FLNC: variants seen among roughly 807,000 people sequenced by gnomAD.
FLNC encodes the protein filamin-C.
FLNC carries 91 observed loss-of-function variants against 254.3 expected under a neutral mutation model. The observed-to-expected ratio is 0.36, with a 90% CI of 0.30 to 0.43. FLNC has a LOEUF of 0.43. FLNC is among the 20% of genes least tolerant of loss of function. FLNC has a pLI of 1.00. For missense variants in FLNC, 2,853 were observed against 3,802.6 expected (o/e 0.75, Z 6.57); for synonymous variants, 1,430 against 1,577.2 (o/e 0.91, Z 2.21).
chr7:128,855,472 G>A (rs1482318829), intron 43 of FLNC, among the ~76,000 whole-genome samples, 158 bp downstream of exon 43: 1 of 152,204 alleles, frequency 6.6e-6, no homozygotes, highest in Non-Finnish European at 1.5e-5. Flanking sequence ...CTTGGGGACG[G>A]TGGGCTCCCA....
chr7:128,848,149 G>A, intron 26 of FLNC, 81 bp downstream of exon 26: 1 of 1,504,322 alleles, frequency 6.6e-7, no homozygotes, highest in Non-Finnish European at 9.0e-7. Context: ...ATCACTGCTG[G>A]AGTCCCCTGG....
chr7:128,842,623 C>T lies in FLNC; in HGVS notation c.2314C>T (p.Pro772Ser). The T allele has an allele frequency of 6.4e-7, 1 of 1,550,460 alleles. No individual in the cohort carries two copies. The highest frequency in any genetic ancestry group is 8.7e-7 in the Non-Finnish European group (1 of 1,147,138). Reference sequence around the variant, plus strand: ...CCCCGAGCGGGTAAAGGTGTACGGCCCCGGAGTGGAGAAGACAGGCCTCAA... The same window carrying T: ...CCCCGAGCGGGTAAAGGTGTACGGCTCCGGAGTGGAGAAGACAGGCCTCAA... ...SHPERVKVYGPGVEKTGLKAN... is the reference protein window; with the variant it reads ...SHPERVKVYGSGVEKTGLKAN... Residue 772 changes from proline to serine, a missense_variant, in exon 15 of 48, where the codon CCC becomes TCC. Pro to Ser is a moderately conservative substitution (Grantham distance 74). Transcript: ENST00000325888. The surrounding 1 kb of genome is among the most constrained non-coding windows in gnomAD (Gnocchi z 5.4).
At chr7:128,851,805 A>C (rs1004972469) in intron 35 of FLNC, among the ~76,000 whole-genome samples, 177 bp downstream of exon 35, 1 of 152,246 alleles carries the variant, frequency 6.6e-6, no homozygotes, top group Non-Finnish European at 1.5e-5. Context: ...GGCAGCTAAG[A>C]AGCAGTCAGC....
At position 128,837,655 on chromosome 7, in the gene FLNC, A is replaced by G; in HGVS notation, c.869A>G (p.Asn290Ser). Reference protein sequence around the residue: ...AYGPGIEPQGNTVLQPAHFTV... With the variant: ...AYGPGIEPQGSTVLQPAHFTV... Reference sequence around the variant, plus strand: ...CCCGTAGGCATCGAGCCACAGGGCAACACCGTGCTGCAGCCTGCCCACTTC... The same window carrying G: ...CCCGTAGGCATCGAGCCACAGGGCAGCACCGTGCTGCAGCCTGCCCACTTC... The change falls in exon 5 of 48, where the codon AAC (asparagine) becomes AGC (serine). Residue 290 changes from asparagine to serine, a missense_variant. Transcript: ENST00000325888. 1 of 1,612,650 alleles carries G rather than the reference A, an allele frequency of 6.2e-7. No homozygotes were observed.
In FLNC at chr7:128,847,972, A is replaced by G. The variant is rs1005564405; in HGVS notation, c.4484A>G (p.Asp1495Gly). The G allele has an allele frequency of 1.2e-6, 2 of 1,613,070 alleles. No homozygotes were observed. The highest frequency in any genetic ancestry group is 1.7e-6 in the Non-Finnish European group (2 of 1,179,524). ...GTGGCCGAGCCTGTGGAGGTGCGGGACAATGGAGATGGCACCCACACTGTC... is the reference window on the plus strand; with the variant it reads ...GTGGCCGAGCCTGTGGAGGTGCGGGGCAATGGAGATGGCACCCACACTGTC... ...TGVAEPVEVR[D>G]NGDGTHTVHY... Residue 1495 changes from aspartate (D) to glycine (G), a missense_variant, in exon 26 of 48, where the codon GAC becomes GGC. Physicochemically the swap from Asp to Gly is moderately conservative, Grantham distance 94. Coordinates refer to ENST00000325888, the MANE Select transcript of FLNC (RefSeq NM_001458.5).
rs904345499 is a variant in FLNC, at chr7:128,856,614, G to A, written c.7348G>A (p.Ala2450Thr). Residue 2450 changes from alanine to threonine, a missense_variant, in exon 44 of 48, where the codon GCT becomes ACT. By Grantham distance (58) the Ala-to-Thr change is moderately conservative (BLOSUM62 0). Transcript: ENST00000325888. The surrounding 1 kb of genome is among the most constrained non-coding windows in gnomAD (Gnocchi z 5.9). Reference protein sequence around the residue: ...IDARVHTPSGAVEECYVSELD... With the variant: ...IDARVHTPSGTVEECYVSELD... ...TGCCCGGGTGCACACACCCTCGGGGGCTGTGGAGGAGTGCTACGTCTCTGA... is the reference window on the plus strand; with the variant it reads ...TGCCCGGGTGCACACACCCTCGGGGACTGTGGAGGAGTGCTACGTCTCTGA... The A allele has an allele frequency of 6.2e-7, 1 of 1,612,844 alleles. No homozygotes were observed. Among genetic ancestry groups the A allele is most frequent in the Non-Finnish European group, 8.5e-7 (1 of 1,180,024 alleles).
Position 128,853,843 on chromosome 7 carries a change from A to T in FLNC, c.6484+6A>T, listed in dbSNP as rs764061858. 1.2e-5 allele frequency: 20 copies of T among 1,613,240 alleles called. No homozygotes were observed. Among genetic ancestry groups the T allele is most frequent in the Non-Finnish European group, 1.7e-5 (20 of 1,180,000 alleles). ...CCTCAACCTCAAGATCCCAGGTAGA[A>T]GCCTGGAGGACCCTGGGTGGGGCGG... is the stretch of plus-strand genomic sequence containing the variant. On this transcript the variant is annotated splice_donor_region_variant and intron_variant, in intron 39 of 47. Coordinates refer to ENST00000325888, the MANE Select transcript of FLNC (RefSeq NM_001458.5).
intron 40 of FLNC, 60 bp from the exon 41 acceptor site, chr7:128,854,353 G>A (rs1808961446): frequency 6.3e-7 from 1 of 1,596,284 alleles, no homozygotes; most frequent in Non-Finnish European, 8.5e-7. Flanking sequence ...TGATGGGGGA[G>A]GGAAGGGCCA....
chr7:128,856,786 C>T lies in FLNC; in HGVS notation c.7426C>T (p.His2476Tyr). 6.2e-7 allele frequency: 1 copy of T among 1,614,192 alleles called. No individual in the cohort carries two copies. Among genetic ancestry groups the T allele is most frequent in the Non-Finnish European group, 8.5e-7 (1 of 1,180,030 alleles). ...IRFIPHENGV[H>Y]SIDVKFNGAH... Reference sequence around the variant, plus strand: ...CTTCATCCCCCACGAGAATGGCGTCCACTCCATCGATGTCAAGTTCAACGG... The same window carrying T: ...CTTCATCCCCCACGAGAATGGCGTCTACTCCATCGATGTCAAGTTCAACGG... Residue 2476 changes from histidine to tyrosine, a missense_variant, in exon 45 of 48, where the codon CAC becomes TAC. Around this residue, in one of 10 missense-constraint regions of FLNC, gnomAD observed 197 missense variants for 351.5 expected, o/e 0.56. Transcript: ENST00000325888. The surrounding 1 kb of genome is among the most constrained non-coding windows in gnomAD (Gnocchi z 5.9).
In FLNC at chr7:128,844,793, C is replaced by T; in HGVS notation, c.3328C>T (p.Gln1110Ter). The T allele has an allele frequency of 6.2e-7, 1 of 1,614,146 alleles. No homozygotes were observed. The highest frequency in any genetic ancestry group is 1.7e-5 in the Admixed American group (1 of 60,030). The change falls in exon 21 of 48, where the codon CAG (glutamine) becomes TAG (stop). Residue 1110 changes from glutamine (Q) to a stop codon, truncating the protein, a stop_gained. Coordinates refer to ENST00000325888, the MANE Select transcript of FLNC (RefSeq NM_001458.5). LOFTEE classifies it high-confidence loss of function. ...CCCCTGCGAGGCCAAGATCGAGTGC[C>T]AGGACAATGGTGATGGCTCATGTGC... ...EGPCEAKIEC[Q>*]DNGDGSCAVS...
In FLNC at chr7:128,845,139, C is replaced by T. The variant is rs1389300157; in HGVS notation, c.3674C>T (p.Thr1225Ile). The change falls in exon 21 of 48, where the codon ACC (threonine) becomes ATC (isoleucine). Residue 1225 changes from threonine (T) to isoleucine (I), a missense_variant. This residue lies in a region of FLNC where 1,573 missense variants were observed against 1,883.5 expected (regional missense o/e 0.84). Transcript: ENST00000325888. ...AGCCCTGCCTTCCCTGGCACCTACACCATTACCATCAAGTATGGCGGGCAT... is the reference window on the plus strand; with the variant it reads ...AGCCCTGCCTTCCCTGGCACCTACATCATTACCATCAAGTATGGCGGGCAT... ...TYSPAFPGTY[T>I]ITIKYGGHPV... is the part of the protein sequence containing the mutation. 6.2e-7 allele frequency: 1 copy of T among 1,613,912 alleles called. No individual in the cohort carries two copies. Among genetic ancestry groups the T allele is most frequent in the Admixed American group, 1.7e-5 (1 of 60,008 alleles).
At chr7:128,849,116 A>ACC in intron 28 of FLNC, 65 bp from the exon 29 acceptor site, 1 of 1,489,064 alleles carries the variant, frequency 6.7e-7, no homozygotes, top group Non-Finnish European at 9.3e-7. Context: ...TCCCTCCCTC[A>ACC]CCCCCGCCCA....
In FLNC at chr7:128,841,293, A is replaced by T; in HGVS notation, c.1937A>T (p.Asp646Val). The change falls in exon 12 of 48, where the codon GAT becomes GTT. Residue 646 changes from aspartate to valine, a missense_variant. Transcript: ENST00000325888. The surrounding 1 kb of genome is among the most constrained non-coding windows in gnomAD (Gnocchi z 4.3). ...TACGCTGTGCACGTCATCTGTGACG[A>T]TGAGGACATCCGAGACTCACCCTTC... ...GEYAVHVICD[D>V]EDIRDSPFIA... The T allele has an allele frequency of 6.2e-7, 1 of 1,614,038 alleles. No homozygotes were observed. The highest frequency in any genetic ancestry group is 8.5e-7 in the Non-Finnish European group (1 of 1,179,992).
At position 128,843,873 on chromosome 7, in the gene FLNC, G is replaced by A. The variant is rs191892345; in HGVS notation, c.2889G>A (p.Pro963=). ...CCTTTGTGGTGAATGTGGCACCCCC[G>A]CTGGACCTCAGCAAAATCAAAGTTC... is the stretch of plus-strand genomic sequence containing the variant. ...KSPFVVNVAP[P]LDLSKIKVQG... is the part of the protein sequence containing the mutation. Residue 963 remains proline, a synonymous_variant, in exon 19 of 48, where the codon CCG becomes CCA. Coordinates refer to ENST00000325888, the MANE Select transcript of FLNC (RefSeq NM_001458.5). The A allele has an allele frequency of 5.1e-4, 821 of 1,613,914 alleles. 1 individual carries two copies. The highest frequency in any genetic ancestry group is 4.3e-3 in the African/African-American group (322 of 75,054).
chr7:128,837,116 G>A lies in FLNC; in HGVS notation c.602-44G>A, dbSNP rs1424747289. 5.9e-6 allele frequency: 8 copies of A among 1,354,704 alleles called. 1 individual carries two copies. Among genetic ancestry groups the A allele is most frequent in the South Asian group, 2.5e-5 (2 of 80,568 alleles). 83.9% of individuals were successfully genotyped at this position (1,354,704 alleles called of 1,614,324 possible). ...TGAACAAATGCCCTGCATCCTGGCC[G>A]GCTGGCTGCCCCTCACCATCGTCTC... On this transcript the variant is annotated intron_variant, in intron 2 of 47. Coordinates refer to ENST00000325888, the MANE Select transcript of FLNC (RefSeq NM_001458.5).
chr7:128,840,603 C>T lies in FLNC; in HGVS notation c.1605C>T (p.Cys535=), dbSNP rs199976790. Residue 535 remains cysteine (C), a synonymous_variant, in exon 10 of 48, where the codon TGC becomes TGT. Transcript: ENST00000325888. ...AGGCTGGGGATGGTGTGTTCGAGTGCGAGTACTACCCGGTGGTGCCTGGGA... is the reference window on the plus strand; with the variant it reads ...AGGCTGGGGATGGTGTGTTCGAGTGTGAGTACTACCCGGTGGTGCCTGGGA... ...VREAGDGVFE[C]EYYPVVPGKY... 1.0e-4 allele frequency: 161 copies of T among 1,614,200 alleles called. No homozygotes were observed. The highest frequency in any genetic ancestry group is 2.2e-4 in the East Asian group (10 of 44,882).
chr7:128,837,307 G>A (rs766932770), intron 3 of FLNC, 50 bp downstream of exon 3: 1 of 1,608,262 alleles, frequency 6.2e-7, no homozygotes, highest in South Asian at 1.1e-5. Flanking sequence ...GCAGAGGTTG[G>A]GTCTGTAAGT....
intron 23 of FLNC, 46 bp downstream of exon 23, chr7:128,846,509 A>G: frequency 6.3e-7 from 1 of 1,592,986 alleles, no homozygotes; most frequent in Non-Finnish European, 8.5e-7. Flanking sequence ...ACCCTTTCCC[A>G]GCCCCTGGCC....
In FLNC at chr7:128,835,700, C is replaced by G. The variant is rs1264170672; in HGVS notation, c.601+126C>G. 7 of 1,089,468 alleles carry G rather than the reference C, an allele frequency of 6.4e-6. No individual in the cohort carries two copies. 67.5% of individuals were successfully genotyped at this position (1,089,468 alleles called of 1,614,324 possible). ...GGGGCCTGGGGGCCAGGATCCCCTG[C>G]AGGGTTTGTCCTCCTCCAGCTGTGG... On this transcript the variant is annotated intron_variant, in intron 2 of 47. Transcript: ENST00000325888. The surrounding 1 kb of genome is among the most constrained non-coding windows in gnomAD (Gnocchi z 5.3).
Sources: allele counts gnomAD v4.1 joint callset (sites outside exome capture counted in the v4.1 genomes callset), GRCh38; gene constraint gnomAD v4.1.1; regional missense constraint gnomAD v4.1.1; non-coding constraint Gnocchi (gnomAD v3.1); transcripts MANE v1.5; gene names NCBI Gene and HGNC (gene_info 2026-07-23, HGNC 2026-07-21).